MDN1: variants seen among roughly 807,000 people sequenced by gnomAD.
MDN1 encodes the protein midasin.
MDN1 carries 266 observed loss-of-function variants against 669.2 expected under a neutral mutation model. The ratio of observed to expected loss-of-function variants is 0.40; its 90% confidence interval spans 0.36 to 0.44. The LOEUF (loss-of-function observed/expected upper bound fraction) is 0.44. MDN1 is among the 20% of genes least tolerant of loss of function. MDN1 has a pLI of 1.00. For missense variants in MDN1, 5,940 were observed against 6,754.0 expected, an observed-to-expected ratio of 0.88 and a Z score of 4.22; for synonymous variants, 2,385 against 2,457.1, an observed-to-expected ratio of 0.97 and a Z score of 0.87.
intron 83 of MDN1, among the ~76,000 whole-genome samples, chr6:89,670,159 TATATATATA>T (rs1335650575): frequency 7.9e-5 from 2 of 25,284 alleles, no homozygotes; most frequent in African/African-American, 2.1e-4. Context: ...TATATATATA[TATATATATA>T]TATTTTTTTT....
chr6:89,775,336 A>T (rs1422096436), intron 12 of MDN1, among the ~76,000 whole-genome samples: 1 of 152,218 alleles, frequency 6.6e-6, no homozygotes, highest in Non-Finnish European at 1.5e-5. Flanking sequence ...CTTCTTTCTC[A>T]TGATTAACAT....
intron 53 of MDN1, 106 bp downstream of exon 53, chr6:89,705,953 A>C: frequency 1.0e-6 from 1 of 975,898 alleles, no homozygotes; most frequent in Non-Finnish European, 1.5e-6. Flanking sequence ...TTCTTAAATA[A>C]TATTGGGCAT....
chr6:89,704,286 CAGG>C (rs1464034890), intron 53 of MDN1, among the ~76,000 whole-genome samples: 1 of 152,078 alleles, frequency 6.6e-6, no homozygotes, highest in Non-Finnish European at 1.5e-5. Flanking sequence ...GAGGCTGAGG[CAGG>C]AGAATTGCTT....
chr6:89,784,885 A>G, intron 9 of MDN1, 127 bp downstream of exon 9: 1 of 629,114 alleles, frequency 1.6e-6, no homozygotes, highest in South Asian at 2.1e-5. Flanking sequence ...CAAATACAGT[A>G]AAATACTAGC....
chr6:89,656,629 A>T, intron 91 of MDN1, 71 bp downstream of exon 91: 2 of 1,061,984 alleles, frequency 1.9e-6, no homozygotes, highest in Non-Finnish European at 2.7e-6. Flanking sequence ...TTTTTTTTTA[A>T]AGCACTACGT....
intron 15 of MDN1, among the ~76,000 whole-genome samples, chr6:89,770,391 ACT>A (rs1818023110): frequency 1.4e-5 from 2 of 148,136 alleles, no homozygotes; most frequent in African/African-American, 2.5e-5. Context: ...ACAGAGCAAG[ACT>A]CTGTCTCAAA....
At chr6:89,713,755 G>A (rs1366365771) in intron 46 of MDN1, among the ~76,000 whole-genome samples, 1 of 152,032 alleles carries the variant, frequency 6.6e-6, no homozygotes, top group African/African-American at 2.4e-5. Flanking sequence ...CTAATGTAAA[G>A]ATTAAATAAA....
At chr6:89,732,882 T>A in intron 33 of MDN1, 107 bp from the exon 34 acceptor site, 1 of 878,838 alleles carries the variant, frequency 1.1e-6, no homozygotes, top group Non-Finnish European at 1.7e-6. Context: ...CTGCTCCTTC[T>A]AAGCAAAGTT....
chr6:89,723,209 A>G (rs1814964935), intron 39 of MDN1, 66 bp from the exon 40 acceptor site: 13 of 1,440,728 alleles, frequency 9.0e-6, no homozygotes, highest in Non-Finnish European at 1.2e-5. Context: ...ATTAAGTACT[A>G]GGAATGTACT....
At chr6:89,644,595 C>T (rs1049461312) in intron 101 of MDN1, among the ~76,000 whole-genome samples, 5 of 152,142 alleles carry the variant, frequency 3.3e-5, no homozygotes, top group Non-Finnish European at 5.9e-5. Flanking sequence ...ATGATTGATG[C>T]TTCTTGCTGT....
Position 89,676,082 on chromosome 6 carries a change from C to G in MDN1, c.12645+20G>C. ...GGGCTTTCCCTGAGCCCCTGCAAGA[C>G]TCATGTTCTATCATTCTACCTTGGC... On this transcript the variant is annotated intron_variant, in intron 77 of 101. Transcript: ENST00000369393. The G allele has an allele frequency of 6.2e-7, 1 of 1,608,362 alleles. No homozygotes were observed. The highest frequency in any genetic ancestry group is 8.5e-7 in the Non-Finnish European group (1 of 1,174,762).
At chr6:89,662,036 A>C in intron 87 of MDN1, 51 bp downstream of exon 87, 6 of 1,572,130 alleles carry the variant, frequency 3.8e-6, no homozygotes, top group African/African-American at 1.4e-5. Context: ...ATACAGCTCA[A>C]GAGCTCTGGC....
At chr6:89,793,162 C>T (rs931295271) in intron 5 of MDN1, among the ~76,000 whole-genome samples, 1 of 152,192 alleles carries the variant, frequency 6.6e-6, no homozygotes, top group Non-Finnish European at 1.5e-5. Flanking sequence ...TCACTAGATA[C>T]TGGACTCTCT....
At chr6:89,702,402 G>C (rs910919686) in intron 53 of MDN1, among the ~76,000 whole-genome samples, 1 of 152,200 alleles carries the variant, frequency 6.6e-6, no homozygotes, top group African/African-American at 2.4e-5. Flanking sequence ...TTTGTACTCC[G>C]ACCAGAAGTG....
intron 43 of MDN1, among the ~76,000 whole-genome samples, chr6:89,717,262 C>A (rs1026682101): frequency 6.6e-6 from 1 of 152,134 alleles, no homozygotes; most frequent in Non-Finnish European, 1.5e-5. Context: ...GCCCTTCCCT[C>A]GAAATTTTTC....
chr6:89,647,826 G>T (rs1003928653), intron 99 of MDN1, among the ~76,000 whole-genome samples: 1 of 152,144 alleles, frequency 6.6e-6, no homozygotes, highest in Non-Finnish European at 1.5e-5. Context: ...GGTAGCATGC[G>T]CCTGTAGTCC....
At chr6:89,742,111 C>CA (rs533636552) in intron 31 of MDN1, among the ~76,000 whole-genome samples, 92 of 151,290 alleles carry the variant, frequency 6.1e-4, no homozygotes, top group African/African-American at 2.2e-3. Context: ...AAAAAACAAA[C>CA]AAAAAAACCC....
intron 79 of MDN1, 56 bp from the exon 80 acceptor site, chr6:89,673,518 A>G (rs1333157528): frequency 2.0e-6 from 3 of 1,467,934 alleles, no homozygotes; most frequent in Non-Finnish European, 2.8e-6. Context: ...CCACAAACAC[A>G]CACCCCTCCC....
intron 1 of MDN1, chr6:89,815,243 G>A: frequency 2.4e-6 from 1 of 418,804 alleles, no homozygotes; most frequent in Non-Finnish European, 4.6e-6. Context: ...CCTTGACAGA[G>A]CTCCTCTGCT....
Sources: allele counts gnomAD v4.1 joint callset (sites outside exome capture counted in the v4.1 genomes callset), GRCh38; gene constraint gnomAD v4.1.1; transcripts MANE v1.5; gene names NCBI Gene and HGNC (gene_info 2026-07-23, HGNC 2026-07-21).